Variants in SUSD1 observed in about 807,000 individuals in gnomAD.
The protein encoded by SUSD1 is sushi domain-containing protein 1.
In SUSD1, 65 loss-of-function variants were observed where a neutral mutation model predicts 86.9. The observed-to-expected ratio is 0.75, with a 90% CI of 0.61 to 0.92. SUSD1 has a LOEUF of 0.92. Among genes scored for constraint, SUSD1 ranks in the 40% least tolerant of loss-of-function variants. The probability of loss-of-function intolerance (pLI) is 0.00; values close to 1 mark genes in which losing one functional copy is unlikely to be tolerated. For synonymous variants in SUSD1, 346 were observed against 350.0 expected, an observed-to-expected ratio of 0.99 and a Z score of 0.13; for missense variants, 850 against 929.7, an observed-to-expected ratio of 0.91 and a Z score of 1.11.
intron 1 of SUSD1, among the ~76,000 whole-genome samples, chr9:112,164,054 G>A (rs1056084784): frequency 1.3e-5 from 2 of 151,894 alleles, no homozygotes; most frequent in Non-Finnish European, 2.9e-5. Flanking sequence ...GCTGGAAAAT[G>A]GCTATTTCAT....
intron 3 of SUSD1, among the ~76,000 whole-genome samples, chr9:112,147,628 T>G (rs1334529281): frequency 6.6e-6 from 1 of 150,830 alleles, no homozygotes; most frequent in Non-Finnish European, 1.5e-5. Flanking sequence ...AATTAGCCAG[T>G]CGTGGCAGTG....
chr9:112,140,931 A>G (rs1249351715), intron 5 of SUSD1, among the ~76,000 whole-genome samples: 3 of 152,236 alleles, frequency 2.0e-5, no homozygotes, highest in Admixed American at 6.5e-5. Flanking sequence ...CTATAACACA[A>G]TAAGAAGTAC....
intron 1 of SUSD1, among the ~76,000 whole-genome samples, chr9:112,165,565 A>G (rs1402618458): frequency 6.6e-6 from 1 of 151,792 alleles, no homozygotes; most frequent in Non-Finnish European, 1.5e-5. Context: ...GTGCACCACC[A>G]CACTCGGCTA....
intron 9 of SUSD1, 126 bp from the exon 10 acceptor site, chr9:112,098,788 C>A: frequency 1.1e-6 from 1 of 870,530 alleles, no homozygotes; most frequent in Non-Finnish European, 1.8e-6. Context: ...CTTAGAATTA[C>A]TTTTAAGACA....
At chr9:112,124,168 A>C (rs1336063827) in intron 6 of SUSD1, 89 bp downstream of exon 6, 1 of 1,344,176 alleles carries the variant, frequency 7.4e-7, no homozygotes, top group African/African-American at 1.5e-5. Context: ...CAGTATGTAG[A>C]GTGAAGCAGC....
intron 1 of SUSD1, among the ~76,000 whole-genome samples, chr9:112,170,842 T>C (rs1230118053): frequency 6.6e-6 from 1 of 151,928 alleles, no homozygotes; most frequent in Non-Finnish European, 1.5e-5. Flanking sequence ...CTGGAGTAGC[T>C]AGGATTACAA....
chr9:112,091,079 C>T lies in SUSD1; in HGVS notation c.1474+7391G>A, dbSNP rs535408606. Among the ~76,000 whole-genome samples the T allele has an allele frequency of 1.5e-4, 23 of 152,310 alleles. No individual in the cohort carries two copies. The South Asian group carries it at 4.6e-3, about 30-fold the overall frequency. ...TATCTGTTAAAAGAACAAACATCTA[C>T]TCTCTCCATACTTGGCACATTCAGA... On this transcript the variant is annotated intron_variant, in intron 10 of 16. Coordinates refer to ENST00000374270, the MANE Select transcript of SUSD1 (RefSeq NM_022486.5).
intron 12 of SUSD1, among the ~76,000 whole-genome samples, chr9:112,070,246 T>C (rs937902312): frequency 6.6e-5 from 10 of 152,108 alleles, no homozygotes; most frequent in Non-Finnish European, 1.2e-4. Flanking sequence ...CCCCAGGTGA[T>C]TCCACCTGCC....
chr9:112,164,175 G>C (rs1275505692), intron 1 of SUSD1, among the ~76,000 whole-genome samples: 2 of 152,074 alleles, frequency 1.3e-5, no homozygotes, highest in Non-Finnish European at 2.9e-5. Flanking sequence ...GGATAGAATA[G>C]AAAATGTTTT....
intron 12 of SUSD1, among the ~76,000 whole-genome samples, chr9:112,073,329 A>G (rs191287802): frequency 6.6e-6 from 1 of 152,262 alleles, no homozygotes; most frequent in Admixed American, 6.5e-5. Context: ...TTTCCTTTTC[A>G]TCTTTTCTTC....
intron 12 of SUSD1, among the ~76,000 whole-genome samples, chr9:112,074,803 T>G (rs1403087424): frequency 1.3e-5 from 2 of 152,038 alleles, no homozygotes; most frequent in Admixed American, 1.3e-4. Context: ...GGTTTTTTTT[T>G]TTTTTTAACT....
At chr9:112,087,818 T>G (rs1418356106) in intron 10 of SUSD1, among the ~76,000 whole-genome samples, 1 of 152,108 alleles carries the variant, frequency 6.6e-6, no homozygotes, top group South Asian at 2.1e-4. Context: ...AAAACTACAA[T>G]TCAAGATAAC....
intron 5 of SUSD1, among the ~76,000 whole-genome samples, chr9:112,128,886 T>G (rs1831895277): frequency 6.6e-6 from 1 of 152,066 alleles, no homozygotes; most frequent in Non-Finnish European, 1.5e-5. Context: ...TGGCATGAGA[T>G]GAAGGTGGAG....
intron 12 of SUSD1, among the ~76,000 whole-genome samples, chr9:112,071,066 C>A (rs1192046709): frequency 6.6e-6 from 1 of 152,134 alleles, no homozygotes; most frequent in Non-Finnish European, 1.5e-5. Flanking sequence ...TTCACTGCAG[C>A]TTTGAACTCC....
At chr9:112,135,163 C>T (rs4979083) in intron 5 of SUSD1, among the ~76,000 whole-genome samples, 45,602 of 151,984 alleles carry the variant, frequency 0.3, 8,722 homozygotes, top group African/African-American at 0.54. Context: ...GTTTATTAAC[C>T]GCTCTAATGA....
chr9:112,077,428 T>A (rs1313660848), intron 12 of SUSD1, among the ~76,000 whole-genome samples: 1 of 148,930 alleles, frequency 6.7e-6, no homozygotes, highest in Non-Finnish European at 1.5e-5. Context: ...GAGGAGAAAA[T>A]GAGTGGAAAG....
rs367556173 is a variant in SUSD1, at chr9:112,107,073, T to C, written c.1171+4581A>G. On this transcript the variant is annotated intron_variant, in intron 8 of 16. Transcript: ENST00000374270. ...TGAGGCCAGGAGTTCAAGACCAGCC[T>C]GGGCAATATAGTGAGACCTTGTCTT... Among the ~76,000 whole-genome samples, 77 of 151,616 alleles carry C rather than the reference T, an allele frequency of 5.1e-4. 2 individuals are homozygous for C. In the East Asian group the frequency reaches 0.015, roughly 29 times the overall value.
Position 112,113,751 on chromosome 9 carries a change from G to C in SUSD1, c.887-883C>G, listed in dbSNP as rs1025794227. Among the ~76,000 whole-genome samples, 28 of 152,236 alleles carry C rather than the reference G, an allele frequency of 1.8e-4. No homozygotes were observed. The highest frequency in any genetic ancestry group is 5.5e-4 in the African/African-American group (23 of 41,540). On this transcript the variant is annotated intron_variant, in intron 6 of 16. Transcript: ENST00000374270. The surrounding 1 kb of genome is among the most constrained non-coding windows in gnomAD (Gnocchi z 4.1). ...GTTTGAGACCAGCCTGGCCAACATA[G>C]TGAAACCCCATCTCTACTAAAAATA...
chr9:112,138,244 T>TATATATATATATATATGTATATACAC (rs1564328818), intron 5 of SUSD1, among the ~76,000 whole-genome samples: 5 of 98,278 alleles, frequency 5.1e-5, no homozygotes, highest in African/African-American at 2.7e-4. Flanking sequence ...TGTGTATATA[T>TATATATATATATATATGTATATACAC]ATATATATAT....
Sources: allele counts gnomAD v4.1 joint callset (sites outside exome capture counted in the v4.1 genomes callset), GRCh38; gene constraint gnomAD v4.1.1; non-coding constraint Gnocchi (gnomAD v3.1); transcripts MANE v1.5; gene names NCBI Gene and HGNC (gene_info 2026-07-23, HGNC 2026-07-21).